Variants in COLEC12 observed in about 807,000 individuals in gnomAD.
The protein encoded by COLEC12 is collectin subfamily member 12.
COLEC12 carries 33 observed loss-of-function variants against 71.1 expected under a neutral mutation model. That is an observed-to-expected ratio of 0.46 (90% CI 0.35 to 0.62). The LOEUF (loss-of-function observed/expected upper bound fraction) is 0.62. Ranked by LOEUF, COLEC12 falls within the 20% of genes least tolerant of loss-of-function variation. The probability of loss-of-function intolerance (pLI) is 0.00; values close to 1 mark genes in which losing one functional copy is unlikely to be tolerated. For missense variants in COLEC12, 765 were observed against 916.1 expected, an observed-to-expected ratio of 0.84 and a Z score of 2.13; for synonymous variants, 350 against 353.0, an observed-to-expected ratio of 0.99 and a Z score of 0.10.
intron 2 of COLEC12, among the ~76,000 whole-genome samples, chr18:443,529 GA>G (rs576318037): frequency 4.5e-4 from 68 of 152,272 alleles, no homozygotes; most frequent in Middle Eastern, 3.4e-3. Context: ...GTTTTCATGG[GA>G]ACATGTGTTT....
At chr18:374,163 G>C (rs1309839576) in intron 2 of COLEC12, among the ~76,000 whole-genome samples, 2 of 152,204 alleles carry the variant, frequency 1.3e-5, no homozygotes, top group Non-Finnish European at 2.9e-5. Context: ...AAGCCATTGA[G>C]AAAAGCGGCA....
chr18:364,177 TG>T (rs1482265182), intron 2 of COLEC12, among the ~76,000 whole-genome samples: 15 of 152,140 alleles, frequency 9.9e-5, no homozygotes, highest in Non-Finnish European at 2.1e-4. Context: ...TTGGTTTTAT[TG>T]TTTTTTTTAA....
intron 2 of COLEC12, among the ~76,000 whole-genome samples, chr18:388,435 A>G (rs1177653259): frequency 6.6e-6 from 1 of 152,216 alleles, no homozygotes; most frequent in Non-Finnish European, 1.5e-5. Context: ...ACGTGGCACC[A>G]TGGTTACTGC....
At chr18:328,864 G>C (rs938186419) in intron 8 of COLEC12, among the ~76,000 whole-genome samples, 16 of 152,144 alleles carry the variant, frequency 1.1e-4, no homozygotes, top group Non-Finnish European at 4.4e-5. Context: ...TCTAGTTTGT[G>C]CAATGTTTAT....
intron 3 of COLEC12, among the ~76,000 whole-genome samples, chr18:349,278 T>C (rs1298469991): frequency 6.6e-6 from 1 of 152,212 alleles, no homozygotes; most frequent in African/African-American, 2.4e-5. Context: ...GGGGCCAATG[T>C]GGAGCTGGGG....
At chr18:360,632 C>A (rs193242597) in intron 2 of COLEC12, among the ~76,000 whole-genome samples, 1 of 152,090 alleles carries the variant, frequency 6.6e-6, no homozygotes, top group East Asian at 1.9e-4. Flanking sequence ...ATGCAGGTTC[C>A]GATTCAGTGG....
intron 3 of COLEC12, among the ~76,000 whole-genome samples, chr18:357,120 CTAGAAATAGG>C (rs1914644033): frequency 6.6e-6 from 1 of 151,840 alleles, no homozygotes; most frequent in African/African-American, 2.4e-5. Context: ...GAAGGAGTAG[CTAGAAATAGG>C]TAGAAAAAAG....
In COLEC12 at chr18:335,239, T is replaced by C; in HGVS notation, c.1328-9A>G. Reference sequence around the variant, plus strand: ...CCTGGGGCCCGGTGGACCTAAAGCATAAAAGAAAAAGGTGTCAACATGAAA... The same window carrying C: ...CCTGGGGCCCGGTGGACCTAAAGCACAAAAGAAAAAGGTGTCAACATGAAA... On this transcript the variant is annotated splice_polypyrimidine_tract_variant and intron_variant, in intron 5 of 9. Transcript: ENST00000400256. The C allele has an allele frequency of 6.4e-7, 1 of 1,566,402 alleles. No homozygotes were observed. Among genetic ancestry groups the C allele is most frequent in the Non-Finnish European group, 8.6e-7 (1 of 1,167,568 alleles).
chr18:478,981 T>TA (rs1297892033), intron 2 of COLEC12, among the ~76,000 whole-genome samples: 3 of 151,756 alleles, frequency 2.0e-5, no homozygotes, highest in Non-Finnish European at 4.4e-5. Context: ...GAGAAATTTA[T>TA]AAAAAATTTT....
Position 319,670 on chromosome 18 carries a change from T to A in COLEC12, c.*375A>T, listed in dbSNP as rs987699180. 1 of 197,046 alleles carries A rather than the reference T, an allele frequency of 5.1e-6. No homozygotes were observed. The highest frequency in any genetic ancestry group is 2.3e-5 in the African/African-American group (1 of 42,752). The allele number at this position is 197,046 out of a possible 1,614,324, so 12.2% of individuals were successfully genotyped here. ...TCCTACACTTGGGATTTTAGAAATGTATGGCACTGTTTACACAGTATATGC... is the reference window on the plus strand; with the variant it reads ...TCCTACACTTGGGATTTTAGAAATGAATGGCACTGTTTACACAGTATATGC... On this transcript the variant is annotated 3_prime_UTR_variant, in exon 10 of 10. Coordinates refer to ENST00000400256, the MANE Select transcript of COLEC12 (RefSeq NM_130386.3).
intron 2 of COLEC12, among the ~76,000 whole-genome samples, chr18:469,874 A>T (rs1598375208): frequency 1.3e-5 from 2 of 150,682 alleles, no homozygotes; most frequent in Admixed American, 6.6e-5. Flanking sequence ...TTCCATAAAG[A>T]TTTTTTTTTT....
chr18:447,291 C>G (rs1916672363), intron 2 of COLEC12, among the ~76,000 whole-genome samples: 1 of 152,242 alleles, frequency 6.6e-6, no homozygotes, highest in African/African-American at 2.4e-5. Flanking sequence ...TCAGTGGCAC[C>G]TTCCCGCATG....
At position 393,994 on chromosome 18, in the gene COLEC12, G is replaced by A. The variant is rs533849472; in HGVS notation, c.59-36472C>T. The stretch of plus-strand genomic sequence containing the variant: ...GGCTTTGTGGAGGTGGTTGCTGGAG[G>A]TCCCGGGTGCAGGTGGTGGCGTCTG... On this transcript the variant is annotated intron_variant, in intron 2 of 9. Coordinates refer to ENST00000400256, the MANE Select transcript of COLEC12 (RefSeq NM_130386.3). Among the ~76,000 whole-genome samples the A allele has an allele frequency of 1.9e-4, 29 of 152,278 alleles. No individual in the cohort carries two copies. In the South Asian group the frequency reaches 6.0e-3, roughly 32 times the overall value.
intron 2 of COLEC12, among the ~76,000 whole-genome samples, chr18:418,712 GA>G (rs1166863325): frequency 1.3e-5 from 2 of 152,232 alleles, no homozygotes. Flanking sequence ...ACAGTTTACA[GA>G]TGCCATGGCA....
chr18:449,344 G>T (rs943036815), intron 2 of COLEC12, among the ~76,000 whole-genome samples: 3 of 152,108 alleles, frequency 2.0e-5, no homozygotes, highest in African/African-American at 7.2e-5. Context: ...GAGGAAATCT[G>T]CTCCACTTAC....
Position 362,555 on chromosome 18 carries a change from A to G in COLEC12, c.59-5033T>C, listed in dbSNP as rs1914769103. ...GTTTGTTTTCTTAGCATTACTTTCC[A>G]GAGCCTGGGGACTTTGTTCCCATGG... On this transcript the variant is annotated intron_variant, in intron 2 of 9. Coordinates refer to ENST00000400256, the MANE Select transcript of COLEC12 (RefSeq NM_130386.3). This position sits in a 1 kb window ranked among gnomAD's most constrained non-coding sequence, Gnocchi z 4.6. 6.7e-6 allele frequency among the ~76,000 whole-genome samples: 1 copy of G among 150,342 alleles called. No individual in the cohort carries two copies.
intron 2 of COLEC12, among the ~76,000 whole-genome samples, chr18:378,877 A>G (rs1031344573): frequency 6.6e-6 from 1 of 151,430 alleles, no homozygotes; most frequent in South Asian, 2.1e-4. Flanking sequence ...CATCCCCCTC[A>G]TTCTCAGCAG....
intron 2 of COLEC12, among the ~76,000 whole-genome samples, chr18:454,254 T>A (rs1916820040): frequency 6.6e-6 from 1 of 152,112 alleles, no homozygotes; most frequent in Non-Finnish European, 1.5e-5. Context: ...TGTTTCCACC[T>A]GAGGGACTTT....
intron 2 of COLEC12, among the ~76,000 whole-genome samples, chr18:469,060 C>T (rs771072045): frequency 3.9e-5 from 6 of 152,244 alleles, no homozygotes; most frequent in Non-Finnish European, 7.3e-5. Context: ...ACTTCTTTTA[C>T]GAGTTTATAT....
Sources: gnomAD v4.1 joint callset for allele counts (sites outside exome capture counted in the v4.1 genomes callset) on GRCh38, gnomAD v4.1.1 for gene constraint, Gnocchi (gnomAD v3.1) non-coding constraint, MANE v1.5 for transcripts, NCBI Gene and HGNC (gene_info 2026-07-23, HGNC 2026-07-21) for gene names.